The following KCNN2 variants were observed in gnomAD, a reference collection of about 807,000 sequenced individuals.
The protein encoded by KCNN2 is potassium calcium-activated channel subfamily N member 2, also known as small conductance calcium-activated potassium channel protein 2.
In KCNN2, 24 loss-of-function variants were observed where a neutral mutation model predicts 55.5. The ratio of observed to expected loss-of-function variants is 0.43; its 90% CI spans 0.31 to 0.61. The LOEUF (loss-of-function observed/expected upper bound fraction) is 0.61. KCNN2 is among the 20% of genes least tolerant of loss of function. The probability of loss-of-function intolerance (pLI) is 0.08; values close to 1 mark genes in which losing one functional copy is unlikely to be tolerated. For missense variants in KCNN2, 754 were observed against 853.6 expected, an observed-to-expected ratio of 0.88 and a Z score of 1.45; for synonymous variants, 431 against 336.1, an observed-to-expected ratio of 1.28 and a Z score of -3.09.
intron 1 of KCNN2, chr5:114,056,540 AT>A: frequency 2.5e-6 from 1 of 397,474 alleles, no homozygotes; most frequent in Middle Eastern, 6.3e-4. Context: ...AGGGCCACAG[AT>A]TTAATGGGGA....
chr5:114,150,262 A>G (rs1363218637), intron 1 of KCNN2, among the ~76,000 whole-genome samples: 1 of 152,214 alleles, frequency 6.6e-6, no homozygotes, highest in Non-Finnish European at 1.5e-5. Context: ...ACAAGGCTAC[A>G]GTAACCAAAA....
At chr5:114,293,031 A>G (rs565769142) in intron 2 of KCNN2, among the ~76,000 whole-genome samples, 1 of 152,314 alleles carries the variant, frequency 6.6e-6, no homozygotes, top group African/African-American at 2.4e-5. Flanking sequence ...TAATTTTTGC[A>G]CATTGATTTT....
intron 2 of KCNN2, among the ~76,000 whole-genome samples, chr5:114,342,486 A>G (rs1271085312): frequency 1.3e-5 from 2 of 152,214 alleles, no homozygotes; most frequent in Non-Finnish European, 2.9e-5. Flanking sequence ...TGGAATGTAC[A>G]GGAAAGATTC....
At chr5:114,190,863 T>C (rs77129875) in intron 1 of KCNN2, among the ~76,000 whole-genome samples, 282 of 152,246 alleles carry the variant, frequency 1.9e-3, no homozygotes, top group African/African-American at 6.6e-3. Flanking sequence ...TTTTATTAGA[T>C]ATTGATTGGG....
chr5:114,260,674 C>T (rs1284034232), intron 2 of KCNN2, among the ~76,000 whole-genome samples: 2 of 152,148 alleles, frequency 1.3e-5, no homozygotes, highest in Non-Finnish European at 1.5e-5. Flanking sequence ...GAAAAGAACT[C>T]TGTTTTGGTT....
At chr5:114,390,074 G>A (rs754614057) in intron 2 of KCNN2, among the ~76,000 whole-genome samples, 8 of 152,066 alleles carry the variant, frequency 5.3e-5, no homozygotes, top group Non-Finnish European at 1.2e-4. Context: ...CTAGCTTTTA[G>A]CCAGCTTTTT....
intron 1 of KCNN2, among the ~76,000 whole-genome samples, chr5:114,096,545 T>C (rs777375955): frequency 2.0e-5 from 3 of 152,104 alleles, no homozygotes; most frequent in Non-Finnish European, 2.9e-5. Context: ...CCTGTCTCTG[T>C]CAGGCGCTAT....
At chr5:114,156,789 A>C (rs145073712) in intron 1 of KCNN2, among the ~76,000 whole-genome samples, 2 of 152,008 alleles carry the variant, frequency 1.3e-5, no homozygotes, top group East Asian at 3.9e-4. Context: ...GCCTTTTATT[A>C]ATATGTTGTA....
chr5:114,374,075 A>G lies in KCNN2; in HGVS notation c.1218+10074A>G, dbSNP rs1020269199. On this transcript the variant is annotated intron_variant, in intron 2 of 7. Coordinates refer to ENST00000673685, the MANE Select transcript of KCNN2 (RefSeq NM_021614.4). ...GATCTGTAGTGATTGTTCAGGTACT[A>G]TGATGTTAGGCTGACAGTTTGCACC... Among the ~76,000 whole-genome samples, 10 of 152,044 alleles carry G rather than the reference A, an allele frequency of 6.6e-5. 1 individual carries two copies. The highest frequency in any genetic ancestry group is 5.2e-4 in the Admixed American group (8 of 15,248).
chr5:114,450,899 C>T (rs1386745675), intron 3 of KCNN2, among the ~76,000 whole-genome samples: 3 of 152,186 alleles, frequency 2.0e-5, no homozygotes, highest in African/African-American at 4.8e-5. Context: ...ATTTTCTTAG[C>T]TTAGACCTAA....
chr5:114,315,840 C>G (rs62382914), intron 2 of KCNN2, among the ~76,000 whole-genome samples: 16,030 of 152,046 alleles, frequency 0.11, 1,034 homozygotes, highest in Middle Eastern at 0.21. Flanking sequence ...GATAGAGAAG[C>G]CTTTCTGTGG....
At chr5:114,269,247 G>C (rs1755272103) in intron 2 of KCNN2, among the ~76,000 whole-genome samples, 1 of 152,032 alleles carries the variant, frequency 6.6e-6, no homozygotes, top group Admixed American at 6.6e-5. Flanking sequence ...AATTGTCTTT[G>C]ACTGTTGGAC....
At position 114,354,756 on chromosome 5, in the gene KCNN2, G is replaced by A. The variant is rs186989531; in HGVS notation, c.-184-6189G>A. On this transcript the variant is annotated intron_variant, in intron 2 of 10. Coordinates refer to the KCNN2 transcript ENST00000512097. ...TCATCCTAAGTAGTGAGAAAAAAAT[G>A]TTGTATTTATTAAATAGTAAGTTTT... 9.9e-5 allele frequency among the ~76,000 whole-genome samples: 15 copies of A among 152,198 alleles called. 1 individual carries two copies. The East Asian group carries it at 1.4e-3, about 14-fold the overall frequency.
intron 1 of KCNN2, among the ~76,000 whole-genome samples, chr5:114,080,244 A>T (rs1485028194): frequency 1.3e-5 from 2 of 152,232 alleles, no homozygotes; most frequent in Non-Finnish European, 2.9e-5. Flanking sequence ...GCTCAAGGTC[A>T]TGCATTTAAT....
At chr5:114,205,204 C>A (rs184026341) in intron 1 of KCNN2, among the ~76,000 whole-genome samples, 330 of 152,180 alleles carry the variant, frequency 2.2e-3, no homozygotes, top group Non-Finnish European at 3.2e-3. Flanking sequence ...ATAGGACATA[C>A]GTTTAAACTT....
chr5:114,179,883 T>C (rs1389125662), intron 1 of KCNN2, among the ~76,000 whole-genome samples: 2 of 152,216 alleles, frequency 1.3e-5, no homozygotes, highest in Non-Finnish European at 2.9e-5. Context: ...GGATATTATC[T>C]TCAAGAAGCT....
At chr5:114,137,573 C>G (rs1752199457) in intron 1 of KCNN2, among the ~76,000 whole-genome samples, 2 of 95,130 alleles carry the variant, frequency 2.1e-5, no homozygotes, top group African/African-American at 8.7e-5. Flanking sequence ...CATTATGAAG[C>G]CTAGATATGT....
At chr5:114,277,973 G>C (rs1840982) in intron 2 of KCNN2, among the ~76,000 whole-genome samples, 136,627 of 152,240 alleles carry the variant, frequency 0.9, 61,715 homozygotes, top group East Asian at 0.94. Context: ...CATCTTTGTA[G>C]TTTTATCTAC....
At chr5:114,326,717 T>A (rs1414064306) in intron 2 of KCNN2, among the ~76,000 whole-genome samples, 1 of 152,228 alleles carries the variant, frequency 6.6e-6, no homozygotes, top group African/African-American at 2.4e-5. Flanking sequence ...AAAGGATTTT[T>A]ATGAAGGAAG....
Sources: allele counts gnomAD v4.1 joint callset (sites outside exome capture counted in the v4.1 genomes callset), GRCh38; gene constraint gnomAD v4.1.1; transcripts MANE v1.5; gene names NCBI Gene and HGNC (gene_info 2026-07-23, HGNC 2026-07-21).